The following CSMD1 variants were observed in gnomAD, a reference collection of about 807,000 sequenced individuals.
The protein encoded by CSMD1 is CUB and sushi domain-containing protein 1.
Under a neutral mutation model 417.5 loss-of-function variants are expected in CSMD1, and 213 were observed. That is an observed-to-expected ratio of 0.51 (90% confidence interval 0.46 to 0.57). CSMD1 has a LOEUF of 0.57. Among genes scored for constraint, CSMD1 ranks in the 20% least tolerant of loss-of-function variants. The pLI is 0.00. For missense variants in CSMD1, 6,923 were observed against 4,529.7 expected, an observed-to-expected ratio of 1.53 and a Z score of -15.17; for synonymous variants, 2,862 against 1,736.8, an observed-to-expected ratio of 1.65 and a Z score of -16.11.
intron 3 of CSMD1, among the ~76,000 whole-genome samples, chr8:4,271,145 TG>T (rs1396430633): frequency 6.6e-6 from 1 of 152,164 alleles, no homozygotes; most frequent in Admixed American, 6.6e-5. Flanking sequence ...TCTGAATTAT[TG>T]TCACTACAGA....
At chr8:4,362,525 T>G (rs905206568) in intron 3 of CSMD1, among the ~76,000 whole-genome samples, 1 of 152,204 alleles carries the variant, frequency 6.6e-6, no homozygotes, top group African/African-American at 2.4e-5. Flanking sequence ...GTGCAATAGA[T>G]AGAACAGGAT....
intron 4 of CSMD1, among the ~76,000 whole-genome samples, chr8:4,023,518 C>T (rs557741271): frequency 2.0e-5 from 3 of 151,752 alleles, no homozygotes; most frequent in Non-Finnish European, 4.4e-5. Flanking sequence ...TACAGGCATA[C>T]GCTTGGCTCT....
intron 2 of CSMD1, among the ~76,000 whole-genome samples, chr8:4,455,262 A>G (rs1179593324): frequency 3.3e-5 from 5 of 152,222 alleles, no homozygotes; most frequent in Non-Finnish European, 7.3e-5. Flanking sequence ...CAGGTTAAAA[A>G]AAATAGGAGA....
At chr8:3,552,036 T>C (rs950280906) in intron 10 of CSMD1, among the ~76,000 whole-genome samples, 4 of 152,226 alleles carry the variant, frequency 2.6e-5, no homozygotes, top group African/African-American at 9.6e-5. Flanking sequence ...GTTTAAAAAA[T>C]AGAGATTTTG....
chr8:4,147,363 C>T (rs1381717805), intron 3 of CSMD1, among the ~76,000 whole-genome samples: 1 of 152,086 alleles, frequency 6.6e-6, no homozygotes, highest in Admixed American at 6.6e-5. Flanking sequence ...TCCCTCAGTC[C>T]TCAGTGGCTG....
At chr8:4,182,041 T>G (rs958275136) in intron 3 of CSMD1, among the ~76,000 whole-genome samples, 78 of 61,088 alleles carry the variant, frequency 1.3e-3, no homozygotes, top group South Asian at 2.0e-3. Flanking sequence ...TGTGTGTGTG[T>G]GTCGGTGTGT....
chr8:3,774,857 C>A (rs1798813594), intron 5 of CSMD1, among the ~76,000 whole-genome samples: 1 of 152,104 alleles, frequency 6.6e-6, no homozygotes, highest in Non-Finnish European at 1.5e-5. Flanking sequence ...CAGTGGATGC[C>A]TGAAACCACA....
At position 3,556,392 on chromosome 8, in the gene CSMD1, AATAT is replaced by A. The variant is rs367650533; in HGVS notation, c.1344+18549_1344+18552del. 2.7e-4 allele frequency among the ~76,000 whole-genome samples: 32 copies of A among 120,448 alleles called. 2 individuals carry two copies. The highest frequency in any genetic ancestry group is 8.6e-4 in the Admixed American group (10 of 11,592). 79.0% of individuals were successfully genotyped at this position (120,448 alleles called of 152,430 possible). A position where few individuals can be genotyped will look rare whatever the true frequency, so the allele number is the denominator to read the frequency against. ...AAGATTTTTAAAATTTATAATAATT[AATAT>A]ATATATATATATATATATTCACACA... On this transcript the variant is annotated intron_variant, in intron 10 of 69. Coordinates refer to ENST00000635120, the MANE Select transcript of CSMD1 (RefSeq NM_033225.6).
At chr8:4,198,249 C>T (rs944125373) in intron 3 of CSMD1, among the ~76,000 whole-genome samples, 1 of 152,194 alleles carries the variant, frequency 6.6e-6, no homozygotes, top group African/African-American at 2.4e-5. Flanking sequence ...ATTAAGTTAT[C>T]CTCAACTCAT....
intron 3 of CSMD1, among the ~76,000 whole-genome samples, chr8:4,347,089 AC>A (rs141113405): frequency 0.011 from 1,641 of 152,082 alleles, 30 homozygotes; most frequent in African/African-American, 0.038. Flanking sequence ...CTATTCTTTG[AC>A]CCCTCAGAAG....
chr8:3,474,369 T>C (rs962075091), intron 11 of CSMD1, among the ~76,000 whole-genome samples: 1 of 152,136 alleles, frequency 6.6e-6, no homozygotes, highest in Non-Finnish European at 1.5e-5. Context: ...TTGACCTCTC[T>C]CGGGGGAAGA....
At chr8:4,082,723 C>G (rs921764011) in intron 3 of CSMD1, among the ~76,000 whole-genome samples, 11 of 151,110 alleles carry the variant, frequency 7.3e-5, no homozygotes, top group African/African-American at 2.7e-4. Flanking sequence ...ATTAACTCGT[C>G]ATTTAGCATT....
intron 4 of CSMD1, among the ~76,000 whole-genome samples, chr8:4,000,880 T>C (rs911895060): frequency 1.3e-5 from 2 of 152,054 alleles, no homozygotes; most frequent in African/African-American, 2.4e-5. Context: ...TAAAATATCA[T>C]AGATGTGTGG....
intron 36 of CSMD1, among the ~76,000 whole-genome samples, chr8:3,185,098 A>C (rs1291398451): frequency 3.9e-5 from 6 of 152,156 alleles, no homozygotes; most frequent in Non-Finnish European, 8.8e-5. Flanking sequence ...GGACCCCCTA[A>C]ATTTATAGCC....
intron 41 of CSMD1, among the ~76,000 whole-genome samples, chr8:3,139,073 C>G (rs963323923): frequency 6.6e-6 from 1 of 152,122 alleles, no homozygotes; most frequent in African/African-American, 2.4e-5. Flanking sequence ...GATGGGGGCA[C>G]TGGAGGATAA....
chr8:3,342,677 T>C (rs923720950), intron 23 of CSMD1, among the ~76,000 whole-genome samples: 1 of 152,168 alleles, frequency 6.6e-6, no homozygotes, highest in African/African-American at 2.4e-5. Context: ...GATTTGTTCA[T>C]ACAGATGATG....
At chr8:2,964,054 A>C (rs1341053967) in intron 59 of CSMD1, among the ~76,000 whole-genome samples, 1 of 152,202 alleles carries the variant, frequency 6.6e-6, no homozygotes, top group Non-Finnish European at 1.5e-5. Context: ...AATTATACTA[A>C]AATGCACAAA....
intron 1 of CSMD1, among the ~76,000 whole-genome samples, chr8:4,928,568 G>C (rs549418154): frequency 6.6e-6 from 1 of 152,288 alleles, no homozygotes; most frequent in African/African-American, 2.4e-5. Flanking sequence ...CAGTCTTGCA[G>C]ATGTGCACGA....
intron 3 of CSMD1, among the ~76,000 whole-genome samples, chr8:4,199,225 G>C (rs761419225): frequency 5.9e-5 from 9 of 151,852 alleles, no homozygotes; most frequent in Non-Finnish European, 1.3e-4. Context: ...ATCCTCTTGA[G>C]GTTAGACCTA....
Sources: gnomAD v4.1 joint callset for allele counts (sites outside exome capture counted in the v4.1 genomes callset) on GRCh38, gnomAD v4.1.1 for gene constraint, MANE v1.5 for transcripts, NCBI Gene and HGNC (gene_info 2026-07-23, HGNC 2026-07-21) for gene names.